Variants in PPARGC1A observed in about 807,000 individuals in gnomAD.
PPARGC1A encodes peroxisome proliferator-activated receptor gamma coactivator 1-alpha.
A neutral mutation model predicts 88.7 loss-of-function variants in PPARGC1A; 25 were observed. The ratio of observed to expected loss-of-function variants is 0.28; its 90% confidence interval spans 0.21 to 0.39. PPARGC1A has a LOEUF of 0.39. PPARGC1A is among the 10% of genes least tolerant of loss of function. The probability of loss-of-function intolerance (pLI) is 1.00; values close to 1 mark genes in which losing one functional copy is unlikely to be tolerated. For missense variants in PPARGC1A, 880 were observed against 968.7 expected (o/e 0.91, Z 1.22); for synonymous variants, 363 against 355.6 (o/e 1.02, Z -0.24).
intron 2 of PPARGC1A, among the ~76,000 whole-genome samples, chr4:23,863,694 C>G (rs1731649353): frequency 1.3e-5 from 2 of 152,154 alleles, no homozygotes; most frequent in Non-Finnish European, 2.9e-5. Context: ...CTAAAATGCC[C>G]ACGTTTCCTC....
the PPARGC1A span, among the ~76,000 whole-genome samples, chr4:24,226,846 A>G: frequency 2.6e-5 from 4 of 152,214 alleles, no homozygotes; most frequent in East Asian, 3.9e-4. Flanking sequence ...TGTGATGTTT[A>G]TAGATAGTGA....
At chr4:23,941,704 G>A in the PPARGC1A span, among the ~76,000 whole-genome samples, 1 of 152,126 alleles carries the variant, frequency 6.6e-6, no homozygotes, top group Admixed American at 6.6e-5. Context: ...GTCATGAACA[G>A]TCCTAGGGCA....
In PPARGC1A at chr4:23,829,491, C is replaced by T; in HGVS notation, c.524G>A (p.Arg175Lys). ...AACAATTGCAGGGTTTGTTCTGATC[C>T]TGTGATTGTGATTTGCATGGTTCTG... ...STQNHANHNH[R>K]IRTNPAIVKT... Residue 175 changes from arginine to lysine, a missense_variant, in exon 4 of 13, where the codon AGG becomes AAG. Arg to Lys is a conservative substitution (Grantham distance 26). Coordinates refer to ENST00000264867, the MANE Select transcript of PPARGC1A (RefSeq NM_013261.5). 3 of 1,613,742 alleles carry T rather than the reference C, an allele frequency of 1.9e-6. No individual in the cohort carries two copies. The highest frequency in any genetic ancestry group is 2.5e-6 in the Non-Finnish European group (3 of 1,179,714).
chr4:24,060,722 C>A, the PPARGC1A span, among the ~76,000 whole-genome samples: 1 of 152,156 alleles, frequency 6.6e-6, no homozygotes, highest in Non-Finnish European at 1.5e-5. Context: ...TGAAATCTTT[C>A]TTTGTGCTAG....
the PPARGC1A span, among the ~76,000 whole-genome samples, chr4:23,961,965 C>T: frequency 6.6e-6 from 1 of 152,056 alleles, no homozygotes; most frequent in Non-Finnish European, 1.5e-5. Flanking sequence ...AGATCACGAC[C>T]AATAAAGATA....
At chr4:23,937,009 C>T in the PPARGC1A span, among the ~76,000 whole-genome samples, 1 of 152,024 alleles carries the variant, frequency 6.6e-6, no homozygotes, top group Non-Finnish European at 1.5e-5. Flanking sequence ...AATAAGAAGG[C>T]ACTTCTGTGC....
At chr4:24,388,847 A>G in the PPARGC1A span, among the ~76,000 whole-genome samples, 1 of 152,320 alleles carries the variant, frequency 6.6e-6, no homozygotes, top group East Asian at 1.9e-4. Flanking sequence ...GAGGGATAGC[A>G]TTAGGAGAAA....
At chr4:24,364,725 G>A in the PPARGC1A span, among the ~76,000 whole-genome samples, 1 of 152,056 alleles carries the variant, frequency 6.6e-6, no homozygotes, top group Admixed American at 6.6e-5. Context: ...ATATGTATTT[G>A]TGTATACGTG....
chr4:24,294,551 C>G, the PPARGC1A span, among the ~76,000 whole-genome samples: 1 of 152,006 alleles, frequency 6.6e-6, no homozygotes, highest in East Asian at 1.9e-4. Context: ...AATTAGTTAC[C>G]AAGAAAGCCT....
intron 2 of PPARGC1A, among the ~76,000 whole-genome samples, chr4:23,838,069 T>C (rs112503830): frequency 3.9e-5 from 6 of 152,340 alleles, no homozygotes; most frequent in African/African-American, 1.4e-4. Context: ...TTGAGGTTTT[T>C]AGCTTTTTTC....
the PPARGC1A span, among the ~76,000 whole-genome samples, chr4:23,971,440 G>T: frequency 6.6e-6 from 1 of 152,128 alleles, no homozygotes. Context: ...ATATAACGGG[G>T]AGTTTATTAA....
the PPARGC1A span, among the ~76,000 whole-genome samples, chr4:24,392,115 T>C: frequency 6.6e-6 from 1 of 152,232 alleles, no homozygotes; most frequent in African/African-American, 2.4e-5. Context: ...CATTCGCTTT[T>C]TTCCTGGATC....
chr4:24,389,062 A>C, the PPARGC1A span, among the ~76,000 whole-genome samples: 1 of 152,216 alleles, frequency 6.6e-6, no homozygotes, highest in African/African-American at 2.4e-5. Flanking sequence ...GTGTTATTGA[A>C]GTGCTAAATT....
At chr4:24,002,271 G>A in the PPARGC1A span, among the ~76,000 whole-genome samples, 2 of 152,070 alleles carry the variant, frequency 1.3e-5, no homozygotes, top group Non-Finnish European at 2.9e-5. Context: ...GGGATGACAA[G>A]CATGCGCCAC....
At chr4:24,146,852 T>C in the PPARGC1A span, among the ~76,000 whole-genome samples, 1 of 152,188 alleles carries the variant, frequency 6.6e-6, no homozygotes, top group South Asian at 2.1e-4. Context: ...CCAGCCCACT[T>C]CCTTGTTATT....
At chr4:24,415,798 GT>G in the PPARGC1A span, among the ~76,000 whole-genome samples, 1 of 152,150 alleles carries the variant, frequency 6.6e-6, no homozygotes, top group South Asian at 2.1e-4. Context: ...TATGTAAAAT[GT>G]TTTAAATCTA....
At chr4:24,288,162 A>G in the PPARGC1A span, among the ~76,000 whole-genome samples, 1 of 152,182 alleles carries the variant, frequency 6.6e-6, no homozygotes, top group South Asian at 2.1e-4. Flanking sequence ...GACCTGAATT[A>G]CAGGAGCCTG....
chr4:24,225,238 T>A, the PPARGC1A span, among the ~76,000 whole-genome samples: 2 of 152,086 alleles, frequency 1.3e-5, no homozygotes, highest in Non-Finnish European at 2.9e-5. Context: ...ATAACCTAGC[T>A]AACAGGCTTG....
chr4:24,112,907 C>T, the PPARGC1A span, among the ~76,000 whole-genome samples: 5 of 152,186 alleles, frequency 3.3e-5, no homozygotes, highest in East Asian at 1.9e-4. Flanking sequence ...TATGGGAAGC[C>T]GGGCCAAGAG....
Sources: gnomAD v4.1 joint callset for allele counts (sites outside exome capture counted in the v4.1 genomes callset) on GRCh38, gnomAD v4.1.1 for gene constraint, MANE v1.5 for transcripts, NCBI Gene and HGNC (gene_info 2026-07-23, HGNC 2026-07-21) for gene names.